Variants in CCDC30 observed in about 807,000 individuals in gnomAD.
The protein encoded by CCDC30 is coiled-coil domain-containing protein 30.
Under a neutral mutation model 100.2 loss-of-function variants are expected in CCDC30, and 70 were observed. The observed-to-expected ratio is 0.70, with a 90% CI of 0.58 to 0.85. CCDC30 has a LOEUF of 0.85. Among genes scored for constraint, CCDC30 ranks in the 40% least tolerant of loss-of-function variants. CCDC30 has a pLI of 0.00. For missense variants in CCDC30, 652 were observed against 771.2 expected (o/e 0.85, Z 1.83); for synonymous variants, 233 against 269.5 (o/e 0.86, Z 1.33).
At chr1:42,473,995 C>G (rs1304367591) in intron 1 of CCDC30, among the ~76,000 whole-genome samples, 4 of 151,808 alleles carry the variant, frequency 2.6e-5, no homozygotes, top group African/African-American at 9.7e-5. Flanking sequence ...TATTGTTACT[C>G]TCTTGGATGT....
intron 6 of CCDC30, among the ~76,000 whole-genome samples, chr1:42,545,186 A>AAAAAAAAAAAAT (rs760685126): frequency 4.8e-4 from 61 of 126,108 alleles, no homozygotes; most frequent in Non-Finnish European, 9.4e-4. Context: ...AAAAAAAAAA[A>AAAAAAAAAAAAT]AAGGGAATTT....
intron 12 of CCDC30, among the ~76,000 whole-genome samples, chr1:42,641,987 A>G (rs957143024): frequency 6.6e-6 from 1 of 152,170 alleles, no homozygotes; most frequent in Non-Finnish European, 1.5e-5. Context: ...GCAATTTGGG[A>G]GGCCAAGGTG....
intron 14 of CCDC30, 90 bp from the exon 19 acceptor site, chr1:42,646,045 A>G (rs1459992140): frequency 1.4e-6 from 2 of 1,466,706 alleles, no homozygotes; most frequent in East Asian, 4.7e-5. Context: ...AGCACATCAA[A>G]CTCAATATTC....
chr1:42,587,953 T>G (rs888246849), intron 9 of CCDC30, among the ~76,000 whole-genome samples: 1 of 152,132 alleles, frequency 6.6e-6, no homozygotes, highest in Non-Finnish European at 1.5e-5. Flanking sequence ...TTTATTAGGG[T>G]GCCGCAGTTG....
chr1:42,626,410 C>G (rs1646934900), intron 11 of CCDC30, among the ~76,000 whole-genome samples: 3 of 152,028 alleles, frequency 2.0e-5, no homozygotes, highest in Non-Finnish European at 2.9e-5. Context: ...TATTTGTTTT[C>G]TGGTTGTTTG....
chr1:42,559,374 T>C lies in CCDC30; in HGVS notation c.457-6922T>C, dbSNP rs149709141. Among the ~76,000 whole-genome samples the C allele has an allele frequency of 7.1e-3, 1,078 of 152,214 alleles. 15 individuals carry two copies. Among genetic ancestry groups the C allele is most frequent in the African/African-American group, 0.025 (1,033 of 41,518 alleles). Reference sequence around the variant, plus strand: ...AAATTGGATAAGGAGTCAAGACCCATTGGTGTGCTATGTTCAGGAGACCCA... The same window carrying C: ...AAATTGGATAAGGAGTCAAGACCCACTGGTGTGCTATGTTCAGGAGACCCA... On this transcript the variant is annotated intron_variant, in intron 6 of 16. Transcript: ENST00000668663.
At chr1:42,509,097 T>G (rs537478033) in intron 6 of CCDC30, among the ~76,000 whole-genome samples, 1 of 152,156 alleles carries the variant, frequency 6.6e-6, no homozygotes, top group Non-Finnish European at 1.5e-5. Flanking sequence ...AAAGGGGTGG[T>G]AAGCAGCTTT....
At chr1:42,498,843 G>A (rs942454486) in exon 6 of CCDC30, 6 of 1,233,814 alleles carry the variant, frequency 4.9e-6, no homozygotes, top group Non-Finnish European at 5.1e-6. Flanking sequence ...GGAGAGGTGT[G>A]TGAATCTCAA....
intron 10 of CCDC30, among the ~76,000 whole-genome samples, chr1:42,601,564 G>A (rs951712148): frequency 6.6e-6 from 1 of 152,130 alleles, no homozygotes; most frequent in African/African-American, 2.4e-5. Context: ...AATCCAGGAT[G>A]GGCAGCACTG....
intron 1 of CCDC30, among the ~76,000 whole-genome samples, chr1:42,480,152 T>TA (rs1163171628): frequency 6.6e-6 from 1 of 152,196 alleles, no homozygotes; most frequent in Non-Finnish European, 1.5e-5. Flanking sequence ...GTTTGATAGA[T>TA]ATGATCTGTA....
At chr1:42,548,978 G>A (rs16829655) in intron 6 of CCDC30, among the ~76,000 whole-genome samples, 20,651 of 152,182 alleles carry the variant, frequency 0.14, 1,536 homozygotes, top group East Asian at 0.17. Context: ...GTAATGGGCC[G>A]TGTCTTGTTT....
chr1:42,573,112 T>C (rs1480216122), intron 7 of CCDC30, among the ~76,000 whole-genome samples: 1 of 152,188 alleles, frequency 6.6e-6, no homozygotes, highest in East Asian at 1.9e-4. Context: ...ATATAAGTTT[T>C]ATAATCAGTT....
chr1:42,553,599 T>A (rs1353088409), intron 6 of CCDC30, among the ~76,000 whole-genome samples: 1 of 149,748 alleles, frequency 6.7e-6, no homozygotes, highest in Non-Finnish European at 1.5e-5. Context: ...AAGGCTGCAG[T>A]GAGCTATGAT....
At chr1:42,465,972 C>A (rs568728668) in intron 1 of CCDC30, among the ~76,000 whole-genome samples, 2 of 152,236 alleles carry the variant, frequency 1.3e-5, no homozygotes, top group Non-Finnish European at 1.5e-5. Context: ...CTTTCTTTTT[C>A]ACTTTATATT....
At chr1:42,499,750 A>T (rs1400925977) in intron 6 of CCDC30, among the ~76,000 whole-genome samples, 1 of 151,482 alleles carries the variant, frequency 6.6e-6, no homozygotes, top group African/African-American at 2.4e-5. Flanking sequence ...CTGGGATTAC[A>T]GGCATGTGCC....
At chr1:42,584,918 G>A (rs1260570521) in intron 9 of CCDC30, among the ~76,000 whole-genome samples, 1 of 152,174 alleles carries the variant, frequency 6.6e-6, no homozygotes, top group Non-Finnish European at 1.5e-5. Flanking sequence ...TACTTAGGAA[G>A]TGTCCCCTCT....
chr1:42,584,819 C>T (rs542761793), intron 9 of CCDC30, among the ~76,000 whole-genome samples: 14 of 152,130 alleles, frequency 9.2e-5, no homozygotes, highest in African/African-American at 3.4e-4. Flanking sequence ...GAGTTTGAAC[C>T]TGTTCATGAA....
At chr1:42,581,303 T>A (rs1557871846) in intron 8 of CCDC30, 57 bp from the exon 13 acceptor site, 1 of 1,392,226 alleles carries the variant, frequency 7.2e-7, no homozygotes, top group Non-Finnish European at 9.9e-7. Flanking sequence ...TTCCCCTAAT[T>A]TGAAAAAAGG....
intron 4 of CCDC30, 74 bp downstream of exon 4, chr1:42,490,303 G>C (rs1644117275): frequency 1.2e-5 from 8 of 641,612 alleles, no homozygotes; most frequent in Non-Finnish European, 1.8e-5. Flanking sequence ...CAGTCCCAAA[G>C]ACTTGGGAGG....
Sources: allele counts gnomAD v4.1 joint callset (sites outside exome capture counted in the v4.1 genomes callset), GRCh38; gene constraint gnomAD v4.1.1; transcripts MANE v1.5; gene names NCBI Gene and HGNC (gene_info 2026-07-23, HGNC 2026-07-21).